COL22A1: variants seen among roughly 807,000 people sequenced by gnomAD.
The protein encoded by COL22A1 is collagen type XXII alpha 1 chain, also known as collagen alpha-1(XXII) chain.
A neutral mutation model predicts 248.9 loss-of-function variants in COL22A1; 221 were observed. The observed-to-expected ratio is 0.89, with a 90% CI of 0.80 to 0.99. COL22A1 has a LOEUF of 0.99. Among genes scored for constraint, COL22A1 ranks in the 50% least tolerant of loss-of-function variants. COL22A1 has a pLI of 0.00. For missense variants in COL22A1, 2,240 were observed against 2,179.0 expected, an observed-to-expected ratio of 1.03 and a Z score of -0.56; for synonymous variants, 891 against 793.4, an observed-to-expected ratio of 1.12 and a Z score of -2.07.
intron 52 of COL22A1, chr8:138,619,925 AGG>A (rs1819636414): frequency 5.1e-6 from 1 of 194,288 alleles, no homozygotes; most frequent in Non-Finnish European, 1.1e-5. Context: ...ATTTTTATGA[AGG>A]TATTAAATAG....
chr8:138,780,168 T>A (rs538192266), intron 13 of COL22A1, among the ~76,000 whole-genome samples: 1 of 152,240 alleles, frequency 6.6e-6, no homozygotes, highest in South Asian at 2.1e-4. Context: ...CCCTGACGGT[T>A]GTCTTCATGG....
At chr8:138,760,576 G>T (rs1833392914) in intron 17 of COL22A1, among the ~76,000 whole-genome samples, 1 of 152,160 alleles carries the variant, frequency 6.6e-6, no homozygotes, top group African/African-American at 2.4e-5. Context: ...GGATATGAGG[G>T]CCTGGGCAAG....
intron 56 of COL22A1, among the ~76,000 whole-genome samples, chr8:138,608,255 T>C (rs1818577853): frequency 6.6e-6 from 1 of 152,238 alleles, no homozygotes; most frequent in Admixed American, 6.5e-5. Flanking sequence ...TGCCCACAGC[T>C]GAGGCATAGT....
Position 138,588,798 on chromosome 8 carries a change from C to T in COL22A1, c.*455G>A, listed in dbSNP as rs552028419. 134 of 153,498 alleles carry T rather than the reference C, an allele frequency of 8.7e-4. No individual in the cohort carries two copies. The highest frequency in any genetic ancestry group is 1.7e-3 in the Non-Finnish European group (116 of 68,778). The allele number at this position is 153,498 out of a possible 1,614,324, so 9.5% of individuals were successfully genotyped here. A position where few individuals can be genotyped will look rare whatever the true frequency, so the allele number is the denominator to read the frequency against. On this transcript the variant is annotated 3_prime_UTR_variant, in exon 65 of 65. Transcript: ENST00000303045. ...CTCCGGGCATGACTGAGAATGAAGC[C>T]CATTGGCTCATTTTCTTAAAGTTTT...
At chr8:138,789,380 T>C (rs902431421) in intron 12 of COL22A1, among the ~76,000 whole-genome samples, 32 of 152,214 alleles carry the variant, frequency 2.1e-4, no homozygotes, top group Admixed American at 3.9e-4. Context: ...ACCACAGTTA[T>C]CCAACTCGAT....
chr8:138,646,806 G>A, intron 46 of COL22A1, 124 bp from the exon 47 acceptor site: 1 of 670,646 alleles, frequency 1.5e-6, no homozygotes, highest in Non-Finnish European at 2.5e-6. Context: ...ACTTCCGTCA[G>A]CTACCCCTGC....
At chr8:138,782,751 ACT>A in intron 12 of COL22A1, among the ~76,000 whole-genome samples, 1 of 151,948 alleles carries the variant, frequency 6.6e-6, no homozygotes, top group African/African-American at 2.4e-5. Context: ...AAGTGTGCAC[ACT>A]CTGCTGTGGG....
chr8:138,825,934 T>C (rs1392554883), intron 6 of COL22A1: 1 of 152,254 alleles, frequency 6.6e-6, no homozygotes, highest in Non-Finnish European at 1.5e-5. Context: ...TGTTGATGGC[T>C]TTGAATTTCA....
At chr8:138,664,120 TAAC>T (rs920267562) in intron 41 of COL22A1, among the ~76,000 whole-genome samples, 1 of 150,512 alleles carries the variant, frequency 6.6e-6, no homozygotes, top group Non-Finnish European at 1.5e-5. Flanking sequence ...ACGGGCATGA[TAAC>T]GACCACATTC....
At chr8:138,685,608 T>C (rs973550866) in intron 37 of COL22A1, among the ~76,000 whole-genome samples, 2 of 152,126 alleles carry the variant, frequency 1.3e-5, no homozygotes, top group Non-Finnish European at 2.9e-5. Context: ...CCTAATCCAA[T>C]ATGAGTAGCG....
chr8:138,595,661 C>T (rs958204658), intron 62 of COL22A1, among the ~76,000 whole-genome samples: 7 of 151,908 alleles, frequency 4.6e-5, no homozygotes, highest in African/African-American at 7.3e-5. Context: ...CTTTTTCCTG[C>T]ATGGAAATGG....
chr8:138,844,238 AC>A, intron 3 of COL22A1, 80 bp from the exon 4 acceptor site: 1 of 1,308,482 alleles, frequency 7.6e-7, no homozygotes, highest in Non-Finnish European at 1.1e-6. Flanking sequence ...AGCACACAAG[AC>A]CCCACCCTGC....
intron 11 of COL22A1, among the ~76,000 whole-genome samples, chr8:138,797,680 C>G (rs540340530): frequency 6.6e-6 from 1 of 152,254 alleles, no homozygotes; most frequent in Admixed American, 6.5e-5. Context: ...TCCAAAGCAA[C>G]TGCACCATAT....
At chr8:138,813,816 C>G (rs556513413) in intron 7 of COL22A1, among the ~76,000 whole-genome samples, 2 of 152,300 alleles carry the variant, frequency 1.3e-5, no homozygotes, top group African/African-American at 4.8e-5. Context: ...TCCAGGTCAC[C>G]AGCACTGCAT....
intron 22 of COL22A1, among the ~76,000 whole-genome samples, chr8:138,745,974 G>C (rs915353972): frequency 1.3e-5 from 2 of 152,218 alleles, no homozygotes; most frequent in Non-Finnish European, 2.9e-5. Context: ...TCTCTGCCTG[G>C]TGACTGCTAC....
At chr8:138,868,311 G>A (rs1484312140) in intron 3 of COL22A1, among the ~76,000 whole-genome samples, 1 of 151,986 alleles carries the variant, frequency 6.6e-6, no homozygotes, top group African/African-American at 2.4e-5. Context: ...ACTTCCAAGG[G>A]GGCAAAATTC....
intron 64 of COL22A1, among the ~76,000 whole-genome samples, chr8:138,591,020 A>G (rs1471969777): frequency 6.6e-6 from 1 of 152,196 alleles, no homozygotes; most frequent in Non-Finnish European, 1.5e-5. Context: ...GAATTTCGAA[A>G]GTGCTAGGTT....
chr8:138,757,938 C>T (rs184209153), intron 18 of COL22A1, among the ~76,000 whole-genome samples: 153 of 152,352 alleles, frequency 1.0e-3, no homozygotes, highest in African/African-American at 3.6e-3. Flanking sequence ...TGGGGACCTC[C>T]CACACCATCC....
At chr8:138,592,941 A>T (rs1164649593) in intron 63 of COL22A1, among the ~76,000 whole-genome samples, 2 of 152,226 alleles carry the variant, frequency 1.3e-5, no homozygotes, top group East Asian at 3.8e-4. Flanking sequence ...AGCACTATTT[A>T]CAATAGCAAA....
Sources: gnomAD v4.1 joint callset for allele counts (sites outside exome capture counted in the v4.1 genomes callset) on GRCh38, gnomAD v4.1.1 for gene constraint, MANE v1.5 for transcripts, NCBI Gene and HGNC (gene_info 2026-07-23, HGNC 2026-07-21) for gene names.